Variants in HMCN1 observed in about 807,000 individuals in gnomAD.
HMCN1 encodes hemicentin-1.
A neutral mutation model predicts 625.9 loss-of-function variants in HMCN1; 321 were observed. That is an observed-to-expected ratio of 0.51 (90% confidence interval 0.47 to 0.56). HMCN1 has a LOEUF of 0.56. Among genes scored for constraint, HMCN1 ranks in the 20% least tolerant of loss-of-function variants. The probability of loss-of-function intolerance (pLI) is 0.00; values close to 1 mark genes in which losing one functional copy is unlikely to be tolerated. For synonymous variants in HMCN1, 2,425 were observed against 2,417.6 expected (o/e 1.00, Z -0.09); for missense variants, 6,588 against 6,887.3 (o/e 0.96, Z 1.54).
intron 4 of HMCN1, among the ~76,000 whole-genome samples, chr1:185,871,224 G>A (rs773172589): frequency 1.6e-3 from 219 of 135,618 alleles, no homozygotes; most frequent in Non-Finnish European, 2.5e-3. Context: ...GAGAGACTCC[G>A]TCTCAAAAAA....
In HMCN1 at chr1:185,987,500, T is replaced by G; in HGVS notation, c.3004T>G (p.Cys1002Gly). 1 of 1,613,878 alleles carries G rather than the reference T, an allele frequency of 6.2e-7. No individual in the cohort carries two copies. Among genetic ancestry groups the G allele is most frequent in the Non-Finnish European group, 8.5e-7 (1 of 1,179,752 alleles). The change falls in exon 20 of 107, where the codon TGC (cysteine) becomes GGC (glycine). Residue 1002 changes from cysteine (C) to glycine (G), a missense_variant. Coordinates refer to ENST00000271588, the MANE Select transcript of HMCN1 (RefSeq NM_031935.3). ...TIEGIPVTLP[C>G]KASGNPKPSV... is the part of the protein sequence containing the mutation. ...TGAAGGCATTCCAGTAACTTTACCA[T>G]GCAAAGCAAGTGGAAATCCCAAACC...
At chr1:185,818,460 G>A (rs1659977121) in intron 1 of HMCN1, among the ~76,000 whole-genome samples, 1 of 151,974 alleles carries the variant, frequency 6.6e-6, no homozygotes, top group Non-Finnish European at 1.5e-5. Flanking sequence ...TCAAAACTTG[G>A]TAGCCTTTCT....
At chr1:186,122,521 T>C (rs1424072154) in intron 80 of HMCN1, among the ~76,000 whole-genome samples, 1 of 152,238 alleles carries the variant, frequency 6.6e-6, no homozygotes, top group Non-Finnish European at 1.5e-5. Flanking sequence ...TGTATATGTG[T>C]ATTCTAAGCT....
rs34928488 is a variant in HMCN1 at position 186,108,511 on chromosome 1, C to T, written c.10903C>T (p.Arg3635Trp). 213 of 1,614,118 alleles carry T rather than the reference C, an allele frequency of 1.3e-4. No homozygotes were observed. In the African/African-American group the frequency reaches 1.8e-3, roughly 14 times the overall value. The change falls in exon 71 of 107, where the codon CGG (arginine) becomes TGG (tryptophan). Residue 3635 changes from arginine (R) to tryptophan (W), a missense_variant. By Grantham distance (101) the Arg-to-Trp change is moderately radical. Coordinates refer to ENST00000271588, the MANE Select transcript of HMCN1 (RefSeq NM_031935.3). ...TDEPRDITVL[R>W]NRQVTLECKS... ...TGAGCCCCGGGATATCACTGTGTTA[C>T]GGAACAGACAAGTGACATTGGAATG... is the stretch of plus-strand genomic sequence containing the variant.
chr1:185,783,460 TC>T (rs1657299568), intron 1 of HMCN1, among the ~76,000 whole-genome samples: 3 of 152,164 alleles, frequency 2.0e-5, no homozygotes, highest in Admixed American at 2.0e-4. Flanking sequence ...CTCTGTTTTT[TC>T]CCCCCTTTGT....
intron 57 of HMCN1, 33 bp downstream of exon 57, chr1:186,082,994 G>C: frequency 1.5e-6 from 2 of 1,335,086 alleles, no homozygotes; most frequent in East Asian, 4.7e-5. Flanking sequence ...ATCTGTTAGG[G>C]TATGCTTGGA....
At chr1:186,078,793 A>C (rs1026986817) in intron 55 of HMCN1, among the ~76,000 whole-genome samples, 1 of 152,346 alleles carries the variant, frequency 6.6e-6, no homozygotes, top group Admixed American at 6.5e-5. Context: ...CTAATTGATA[A>C]GGTCTAGTTC....
At chr1:186,162,830 G>T (rs1337438628) in intron 97 of HMCN1, among the ~76,000 whole-genome samples, 1 of 152,204 alleles carries the variant, frequency 6.6e-6, no homozygotes, top group African/African-American at 2.4e-5. Context: ...CCTACTGGGG[G>T]GTGCCTCCCA....
chr1:185,866,803 T>C (rs903531959), intron 4 of HMCN1, among the ~76,000 whole-genome samples: 2 of 152,166 alleles, frequency 1.3e-5, no homozygotes, highest in Non-Finnish European at 2.9e-5. Context: ...CATTTAAGTT[T>C]CTAGGAACAT....
chr1:186,090,772 G>A lies in HMCN1; in HGVS notation c.9742G>A (p.Ala3248Thr). ...FLSIQVPPSV[A>T]GAEIPSDVSV... ...TTTCTCCAAAGTTCCTCCAAGTGTT[G>A]CTGGTGCTGAAATTCCAAGTGATGT... The change falls in exon 64 of 107, where the codon GCT becomes ACT. Residue 3248 changes from alanine to threonine, a missense_variant. Ala to Thr is a moderately conservative substitution (Grantham distance 58). Around this residue, in one of 3 missense-constraint regions of HMCN1, gnomAD observed 4,628 missense variants for 4,853.1 expected, o/e 0.95. Transcript: ENST00000271588. 1 of 1,612,286 alleles carries A rather than the reference G, an allele frequency of 6.2e-7. No homozygotes were observed. Among genetic ancestry groups the A allele is most frequent in the South Asian group, 1.1e-5 (1 of 91,056 alleles).
intron 45 of HMCN1, 63 bp downstream of exon 45, chr1:186,055,737 G>A: frequency 6.8e-7 from 1 of 1,471,314 alleles, no homozygotes; most frequent in Non-Finnish European, 9.5e-7. Context: ...TCCTGGATGG[G>A]AGATATAGGC....
At chr1:185,830,393 A>C (rs1246659646) in intron 1 of HMCN1, among the ~76,000 whole-genome samples, 1 of 152,108 alleles carries the variant, frequency 6.6e-6, no homozygotes, top group Non-Finnish European at 1.5e-5. Flanking sequence ...TTTTACATCG[A>C]AGTTTTTAAT....
chr1:185,749,017 C>A (rs1231551653), intron 1 of HMCN1, among the ~76,000 whole-genome samples: 1 of 152,084 alleles, frequency 6.6e-6, no homozygotes, highest in Non-Finnish European at 1.5e-5. Context: ...GGCTCTGGAG[C>A]TTGGGGTAGG....
intron 58 of HMCN1, among the ~76,000 whole-genome samples, chr1:186,086,880 G>A (rs960712290): frequency 8.6e-5 from 13 of 151,750 alleles, no homozygotes; most frequent in Non-Finnish European, 1.6e-4. Flanking sequence ...TAGACACCTC[G>A]GCATTGTGGG....
intron 11 of HMCN1, among the ~76,000 whole-genome samples, chr1:185,948,784 G>A (rs1450130161): frequency 6.6e-6 from 1 of 151,528 alleles, no homozygotes; most frequent in South Asian, 2.1e-4. Flanking sequence ...TTGAAGTGTC[G>A]GGGCGGTGAA....
intron 89 of HMCN1, among the ~76,000 whole-genome samples, chr1:186,143,314 T>C (rs1329292685): frequency 1.3e-5 from 2 of 152,354 alleles, no homozygotes; most frequent in Admixed American, 1.3e-4. Flanking sequence ...ATATTTTGAT[T>C]AAACCAGGTG....
At chr1:185,922,013 G>T (rs1328484970) in intron 6 of HMCN1, among the ~76,000 whole-genome samples, 1 of 152,090 alleles carries the variant, frequency 6.6e-6, no homozygotes, top group Non-Finnish European at 1.5e-5. Context: ...GTGGAAGAAG[G>T]TTTCAATATT....
chr1:185,931,148 G>A (rs1326652296), intron 10 of HMCN1, among the ~76,000 whole-genome samples: 1 of 152,004 alleles, frequency 6.6e-6, no homozygotes, highest in African/African-American at 2.4e-5. Flanking sequence ...TGATCAAATG[G>A]GTAGATAGGT....
Position 186,151,763 on chromosome 1 carries a change from A to T in HMCN1, c.14896+20A>T. 6.2e-7 allele frequency: 1 copy of T among 1,610,994 alleles called. No homozygotes were observed. Among genetic ancestry groups the T allele is most frequent in the Non-Finnish European group, 8.5e-7 (1 of 1,177,438 alleles). On this transcript the variant is annotated intron_variant, in intron 95 of 106. Transcript: ENST00000271588. ...CAACTGGTTAGTGTCAGCTGAATTTAATATTCTATTACTATAAAAAGTGCC... is the reference window on the plus strand; with the variant it reads ...CAACTGGTTAGTGTCAGCTGAATTTTATATTCTATTACTATAAAAAGTGCC...
Sources: gnomAD v4.1 joint callset for allele counts (sites outside exome capture counted in the v4.1 genomes callset) on GRCh38, gnomAD v4.1.1 for gene constraint, gnomAD v4.1.1 regional missense constraint, MANE v1.5 for transcripts, NCBI Gene and HGNC (gene_info 2026-07-23, HGNC 2026-07-21) for gene names.